STIM1: variants seen among roughly 807,000 people sequenced by gnomAD.
STIM1 encodes the protein stromal interaction molecule 1.
A neutral mutation model predicts 74.7 loss-of-function variants in STIM1; 25 were observed. That is an observed-to-expected ratio of 0.33 (90% confidence interval 0.24 to 0.47). The LOEUF is 0.47. STIM1 is among the 20% of genes least tolerant of loss of function. The pLI is 1.00. For missense variants in STIM1, 728 were observed against 920.8 expected (o/e 0.79, Z 2.71); for synonymous variants, 328 against 348.8 (o/e 0.94, Z 0.66).
intron 3 of STIM1, among the ~76,000 whole-genome samples, chr11:4,036,521 T>C (rs1017835454): frequency 6.6e-6 from 1 of 152,224 alleles, no homozygotes; most frequent in African/African-American, 2.4e-5. Context: ...GCATCTGTTG[T>C]TTCTTGACTT....
chr11:3,860,646 T>C (rs2090559576), intron 1 of STIM1, among the ~76,000 whole-genome samples: 1 of 152,162 alleles, frequency 6.6e-6, no homozygotes, highest in Admixed American at 6.5e-5. Context: ...GGTTACGAGA[T>C]AGAAACATCA....
At chr11:3,891,837 C>T (rs1590533017) in intron 1 of STIM1, among the ~76,000 whole-genome samples, 1 of 152,142 alleles carries the variant, frequency 6.6e-6, no homozygotes, top group South Asian at 2.1e-4. Flanking sequence ...CTGTGGAGGG[C>T]CAGAGAGTGA....
At chr11:3,896,483 C>T (rs1246091146) in intron 1 of STIM1, among the ~76,000 whole-genome samples, 5 of 152,128 alleles carry the variant, frequency 3.3e-5, no homozygotes, top group South Asian at 2.1e-4. Context: ...CTATATTCCT[C>T]GATAGTTGTT....
chr11:3,884,566 C>T (rs910211537), intron 1 of STIM1, among the ~76,000 whole-genome samples: 1 of 152,134 alleles, frequency 6.6e-6, no homozygotes, highest in Non-Finnish European at 1.5e-5. Flanking sequence ...AAGGGAATAG[C>T]CTTGGGAACT....
intron 3 of STIM1, among the ~76,000 whole-genome samples, chr11:4,041,749 A>T (rs1006932140): frequency 5.9e-5 from 9 of 151,956 alleles, no homozygotes; most frequent in Non-Finnish European, 7.4e-5. Context: ...GCCATCACAC[A>T]CAGCTAATTT....
intron 5 of STIM1, among the ~76,000 whole-genome samples, chr11:4,067,533 C>G (rs922334495): frequency 6.6e-6 from 1 of 152,144 alleles, no homozygotes; most frequent in Non-Finnish European, 1.5e-5. Flanking sequence ...AAAACAGAAA[C>G]AATATTTGCT....
intron 1 of STIM1, among the ~76,000 whole-genome samples, chr11:3,856,951 C>A (rs1393349797): frequency 6.6e-6 from 1 of 152,094 alleles, no homozygotes; most frequent in Non-Finnish European, 1.5e-5. Context: ...TTTGAAATAT[C>A]CAGGCGGTTT....
intron 3 of STIM1, among the ~76,000 whole-genome samples, chr11:4,048,764 C>G (rs374192361): frequency 9.9e-5 from 15 of 151,764 alleles, no homozygotes; most frequent in African/African-American, 3.6e-4. Flanking sequence ...GACAGAGTCT[C>G]GCTCTGTCGC....
chr11:3,938,282 G>A (rs1240979635), intron 1 of STIM1, among the ~76,000 whole-genome samples: 1 of 152,186 alleles, frequency 6.6e-6, no homozygotes, highest in African/African-American at 2.4e-5. Context: ...AGTAAGGGGA[G>A]TCAAAGTTTC....
chr11:4,086,790 G>C (rs2094496409), intron 12 of STIM1: 3 of 1,536,522 alleles, frequency 2.0e-6, no homozygotes, highest in South Asian at 1.2e-5. Context: ...ATTTCCTCCA[G>C]ATGGAGCCCT....
chr11:3,914,584 G>C (rs1438283561), intron 1 of STIM1, among the ~76,000 whole-genome samples: 1 of 152,174 alleles, frequency 6.6e-6, no homozygotes, highest in Admixed American at 6.5e-5. Context: ...TGGAATTACA[G>C]GTGTGCACCG....
intron 7 of STIM1, among the ~76,000 whole-genome samples, chr11:4,076,284 G>A (rs570683498): frequency 2.0e-5 from 3 of 151,646 alleles, no homozygotes; most frequent in Middle Eastern, 3.4e-3. Context: ...TCAGAAGTTC[G>A]AGACCAGCCT....
At chr11:3,937,945 T>G (rs917490298) in intron 1 of STIM1, among the ~76,000 whole-genome samples, 2 of 151,866 alleles carry the variant, frequency 1.3e-5, no homozygotes, top group Non-Finnish European at 2.9e-5. Flanking sequence ...TCTTTTTTTT[T>G]TTTTTTGAGA....
intron 1 of STIM1, among the ~76,000 whole-genome samples, chr11:3,879,321 C>G (rs577611635): frequency 6.6e-6 from 1 of 152,272 alleles, no homozygotes; most frequent in South Asian, 2.1e-4. Flanking sequence ...CCCTCCAATC[C>G]TGTTCATTCT....
At chr11:3,896,052 C>T (rs962779629) in intron 1 of STIM1, among the ~76,000 whole-genome samples, 1 of 151,456 alleles carries the variant, frequency 6.6e-6, no homozygotes, top group Non-Finnish European at 1.5e-5. Flanking sequence ...CTACAGGCGC[C>T]CACCACCACA....
At chr11:3,865,946 C>G (rs11030122) in intron 1 of STIM1, among the ~76,000 whole-genome samples, 41,070 of 152,142 alleles carry the variant, frequency 0.27, 6,272 homozygotes, top group South Asian at 0.42. Context: ...GAGCAGATTT[C>G]TTTTGTGTGA....
At chr11:4,004,167 A>G (rs1166552632) in intron 2 of STIM1, among the ~76,000 whole-genome samples, 1 of 152,240 alleles carries the variant, frequency 6.6e-6, no homozygotes, top group African/African-American at 2.4e-5. Context: ...CATGCTGCCC[A>G]AGGTAATTTA....
chr11:3,883,016 T>C lies in STIM1; in HGVS notation c.139+26607T>C, dbSNP rs557494647. On this transcript the variant is annotated intron_variant, in intron 1 of 12. Transcript: ENST00000526596. ...TTGTCTATTTTTTAAAACTAAGTTGTTTGTTTTTTTGTTATTGTAAGAGTT... is the reference window on the plus strand; with the variant it reads ...TTGTCTATTTTTTAAAACTAAGTTGCTTGTTTTTTTGTTATTGTAAGAGTT... Among the ~76,000 whole-genome samples the C allele has an allele frequency of 7.0e-5, 10 of 142,014 alleles. No individual in the cohort carries two copies. In the South Asian group the frequency reaches 2.0e-3, roughly 28 times the overall value. The allele number at this position is 142,014 out of a possible 152,430, so 93.2% of individuals were successfully genotyped here.
Position 3,895,696 on chromosome 11 carries a change from T to C in STIM1, c.139+39287T>C, listed in dbSNP as rs1272252936. Among the ~76,000 whole-genome samples the C allele has an allele frequency of 2.8e-3, 84 of 30,116 alleles. 18 individuals are homozygous for C. Among genetic ancestry groups the C allele is most frequent in the African/African-American group, 0.016 (79 of 4,950 alleles). The allele number at this position is 30,116 out of a possible 152,430, so 19.8% of individuals were successfully genotyped here. A position where few individuals can be genotyped will look rare whatever the true frequency, so the allele number is the denominator to read the frequency against. On this transcript the variant is annotated intron_variant, in intron 1 of 12. Coordinates refer to ENST00000526596, the MANE Select transcript of STIM1 (RefSeq NM_001382567.1). ...TTTCCTTCCTTCCTTCTTTCTTTCT[T>C]TCTTTCTTTCTTTCTTTCTTTCTTT...
Sources: allele counts gnomAD v4.1 joint callset (sites outside exome capture counted in the v4.1 genomes callset), GRCh38; gene constraint gnomAD v4.1.1; transcripts MANE v1.5; gene names NCBI Gene and HGNC (gene_info 2026-07-23, HGNC 2026-07-21).